FBXL17: variants seen among roughly 807,000 people sequenced by gnomAD.
The protein encoded by FBXL17 is F-box and leucine rich repeat protein 17.
Under a neutral mutation model 66.2 loss-of-function variants are expected in FBXL17, and 22 were observed. That is an observed-to-expected ratio of 0.33 (90% CI 0.24 to 0.47). FBXL17 has a LOEUF of 0.47. Among genes scored for constraint, FBXL17 ranks in the 20% least tolerant of loss-of-function variants. The pLI, the probability that FBXL17 is intolerant of heterozygous loss-of-function variation, is 1.00. For missense variants in FBXL17, 878 were observed against 948.2 expected, an observed-to-expected ratio of 0.93 and a Z score of 0.97; for synonymous variants, 474 against 400.5, an observed-to-expected ratio of 1.18 and a Z score of -2.19.
In FBXL17 at chr5:108,113,439, C is replaced by CAT. The variant is rs112417004; in HGVS notation, c.1745+72676_1745+72677dup. ...TGCACATGTGTATATATGCTATACA[C>CAT]ATATATATATATAAATAAATTTTTC... On this transcript the variant is annotated intron_variant, in intron 6 of 8. Coordinates refer to ENST00000542267, the MANE Select transcript of FBXL17 (RefSeq NM_001163315.3). 1.5e-3 allele frequency among the ~76,000 whole-genome samples: 228 copies of CAT among 151,280 alleles called. 5 individuals carry two copies. Among genetic ancestry groups the CAT allele is most frequent in the African/African-American group, 4.0e-3 (166 of 41,230 alleles).
intron 6 of FBXL17, among the ~76,000 whole-genome samples, chr5:108,123,283 A>G (rs904707445): frequency 6.6e-6 from 1 of 152,044 alleles, no homozygotes; most frequent in East Asian, 1.9e-4. Context: ...GAAGTGCATT[A>G]GACTGTCAAT....
intron 4 of FBXL17, among the ~76,000 whole-genome samples, chr5:108,347,114 T>C (rs1025757281): frequency 6.6e-6 from 1 of 152,194 alleles, no homozygotes; most frequent in Non-Finnish European, 1.5e-5. Flanking sequence ...TTAGGTAATT[T>C]TGTCATTGTG....
chr5:108,097,082 T>C (rs1007622465), intron 6 of FBXL17, among the ~76,000 whole-genome samples: 9 of 152,234 alleles, frequency 5.9e-5, no homozygotes, highest in African/African-American at 1.9e-4. Flanking sequence ...GGGAGGTGAA[T>C]GGATCATGGG....
chr5:108,304,979 T>C (rs967619272), intron 4 of FBXL17, among the ~76,000 whole-genome samples: 4 of 152,078 alleles, frequency 2.6e-5, no homozygotes, highest in Non-Finnish European at 4.4e-5. Flanking sequence ...CAATTTCTAA[T>C]TCTTAAAAGA....
chr5:108,000,656 A>T (rs1753687111), intron 7 of FBXL17, among the ~76,000 whole-genome samples: 1 of 152,242 alleles, frequency 6.6e-6, no homozygotes, highest in South Asian at 2.1e-4. Context: ...ATTAAGATAG[A>T]TATGCCAGAA....
At chr5:108,091,441 C>A (rs577364127) in intron 6 of FBXL17, among the ~76,000 whole-genome samples, 1 of 152,282 alleles carries the variant, frequency 6.6e-6, no homozygotes, top group Non-Finnish European at 1.5e-5. Flanking sequence ...GTGTTGTGCA[C>A]GCACTTTGAT....
At chr5:108,111,631 T>C (rs1228625891) in intron 6 of FBXL17, among the ~76,000 whole-genome samples, 1 of 152,238 alleles carries the variant, frequency 6.6e-6, no homozygotes, top group African/African-American at 2.4e-5. Flanking sequence ...TAAGACCTTC[T>C]GATCTCTCAG....
At chr5:108,314,650 AC>A (rs2150205460) in intron 4 of FBXL17, among the ~76,000 whole-genome samples, 1 of 151,530 alleles carries the variant, frequency 6.6e-6, no homozygotes, top group South Asian at 2.1e-4. Context: ...AATAAGAACA[AC>A]CAGAAAAAAA....
intron 6 of FBXL17, among the ~76,000 whole-genome samples, chr5:108,063,364 A>T (rs930841121): frequency 6.6e-6 from 1 of 152,200 alleles, no homozygotes; most frequent in Non-Finnish European, 1.5e-5. Flanking sequence ...TAACCTTGTC[A>T]ACTATCCAAG....
At chr5:107,889,374 C>T (rs1035954480) in intron 7 of FBXL17, among the ~76,000 whole-genome samples, 1 of 152,060 alleles carries the variant, frequency 6.6e-6, no homozygotes, top group African/African-American at 2.4e-5. Flanking sequence ...TGGTGGAGCA[C>T]TTTTTATTTA....
chr5:107,974,990 T>C (rs776337013), intron 7 of FBXL17, among the ~76,000 whole-genome samples: 3 of 152,210 alleles, frequency 2.0e-5, no homozygotes, highest in Non-Finnish European at 2.9e-5. Flanking sequence ...CTTCATATAA[T>C]GTTAATGCAT....
chr5:108,372,165 T>C (rs1267629725), intron 1 of FBXL17, among the ~76,000 whole-genome samples: 1 of 152,184 alleles, frequency 6.6e-6, no homozygotes, highest in African/African-American at 2.4e-5. Context: ...CTTATAATCA[T>C]ATCTCTTTCT....
intron 7 of FBXL17, among the ~76,000 whole-genome samples, chr5:108,012,716 T>A (rs1439026188): frequency 6.6e-6 from 1 of 152,164 alleles, no homozygotes; most frequent in African/African-American, 2.4e-5. Context: ...ACAACTTGAA[T>A]AATAATAGTA....
At position 107,882,518 on chromosome 5, in the gene FBXL17, C is replaced by T. The variant is rs112577325; in HGVS notation, c.1823-1339G>A. On this transcript the variant is annotated intron_variant, in intron 7 of 8. Transcript: ENST00000542267. ...TTTTTTAAAAAAAGTTCTCTATGTA[C>T]CAGTTTGTTAATGTTTTCATCTTTG... Among the ~76,000 whole-genome samples the T allele has an allele frequency of 9.3e-4, 141 of 152,166 alleles. 2 individuals carry two copies. The highest frequency in any genetic ancestry group is 3.1e-3 in the African/African-American group (127 of 41,512).
chr5:108,111,534 A>C, intron 6 of FBXL17, among the ~76,000 whole-genome samples: 1 of 152,250 alleles, frequency 6.6e-6, no homozygotes, highest in East Asian at 1.9e-4. Flanking sequence ...CTTATAAATT[A>C]GCTACACTAT....
At chr5:108,276,237 C>T (rs1365455262) in intron 4 of FBXL17, among the ~76,000 whole-genome samples, 1 of 152,036 alleles carries the variant, frequency 6.6e-6, no homozygotes, top group Non-Finnish European at 1.5e-5. Flanking sequence ...TATTTTAAAT[C>T]CTTTAATTGC....
At position 108,335,358 on chromosome 5, in the gene FBXL17, G is replaced by T. The variant is rs1238591330; in HGVS notation, c.1506+13041C>A. Among the ~76,000 whole-genome samples, 14 of 140,540 alleles carry T rather than the reference G, an allele frequency of 1.0e-4. No individual in the cohort carries two copies. The Admixed American group carries it at 1.0e-3, about 10-fold the overall frequency. 92.2% of individuals were successfully genotyped at this position (140,540 alleles called of 152,430 possible). On this transcript the variant is annotated intron_variant, in intron 4 of 8. Transcript: ENST00000542267. ...CAGTATCTTTAAAAAAAAAAAATAC[G>T]TTTTTTTTTTAAATTTTGAAAAGTA...
At chr5:108,321,827 A>G (rs940063228) in intron 4 of FBXL17, among the ~76,000 whole-genome samples, 3 of 151,946 alleles carry the variant, frequency 2.0e-5, no homozygotes, top group Admixed American at 6.6e-5. Context: ...TGAAGAACTA[A>G]TATCTTTAAT....
intron 6 of FBXL17, among the ~76,000 whole-genome samples, chr5:108,090,745 T>A (rs1749157136): frequency 6.6e-6 from 1 of 152,198 alleles, no homozygotes; most frequent in South Asian, 2.1e-4. Context: ...ATGTGGGCCA[T>A]ACAAAAACAG....
Sources: allele counts gnomAD v4.1 joint callset (sites outside exome capture counted in the v4.1 genomes callset), GRCh38; gene constraint gnomAD v4.1.1; transcripts MANE v1.5; gene names NCBI Gene and HGNC (gene_info 2026-07-23, HGNC 2026-07-21).